Variants in PPFIA1 observed in about 807,000 individuals in gnomAD.
The protein encoded by PPFIA1 is PPFI scaffold protein A1.
In PPFIA1, 25 loss-of-function variants were observed where a neutral mutation model predicts 149.9. The ratio of observed to expected loss-of-function variants is 0.17; its 90% confidence interval spans 0.12 to 0.23. The LOEUF (loss-of-function observed/expected upper bound fraction) is 0.23. Ranked by LOEUF, PPFIA1 falls within the 10% of genes least tolerant of loss-of-function variation. The pLI is 1.00. For synonymous variants in PPFIA1, 549 were observed against 552.8 expected (o/e 0.99, Z 0.10); for missense variants, 1,362 against 1,506.5 (o/e 0.90, Z 1.59).
At chr11:70,326,399 T>G in intron 6 of PPFIA1, 36 bp downstream of exon 6, 1 of 1,514,744 alleles carries the variant, frequency 6.6e-7, no homozygotes, top group Non-Finnish European at 9.1e-7. Context: ...TCTGTTTGAT[T>G]TCATTTGTTC....
chr11:70,335,234 C>T (rs768429041), intron 10 of PPFIA1, among the ~76,000 whole-genome samples: 10 of 152,144 alleles, frequency 6.6e-5, no homozygotes, highest in Non-Finnish European at 1.3e-4. Flanking sequence ...CCTCTACCAG[C>T]GTGGAGACAG....
At chr11:70,358,885 C>T (rs1284213270) in intron 19 of PPFIA1, among the ~76,000 whole-genome samples, 1 of 152,204 alleles carries the variant, frequency 6.6e-6, no homozygotes, top group Non-Finnish European at 1.5e-5. Flanking sequence ...AGTGCCTCCA[C>T]AGCACTTTTA....
At chr11:70,350,888 T>A in intron 16 of PPFIA1, 1 of 503,860 alleles carries the variant, frequency 2.0e-6, no homozygotes, top group Non-Finnish European at 2.7e-6. Context: ...CTGTCTCCTG[T>A]CATTTCTATT....
chr11:70,383,063 TTGGAATCCAG>T lies in PPFIA1; in HGVS notation c.*81_*90del. On this transcript the variant is annotated 3_prime_UTR_variant, in exon 28 of 28. Transcript: ENST00000253925. Reference sequence around the variant, plus strand: ...ATTTGAATCCAACAAAGACTACATTTTGGAATCCAGTGGAATCTTTAATCTTGTTAATACT... The same window carrying T: ...ATTTGAATCCAACAAAGACTACATTTTGGAATCTTTAATCTTGTTAATACT... 2.4e-6 allele frequency: 1 copy of T among 414,294 alleles called. No individual in the cohort carries two copies. Among genetic ancestry groups the T allele is most frequent in the Non-Finnish European group, 4.7e-6 (1 of 214,242 alleles). 25.7% of individuals were successfully genotyped at this position (414,294 alleles called of 1,614,324 possible).
At chr11:70,328,232 C>T (rs2054440979) in intron 7 of PPFIA1, among the ~76,000 whole-genome samples, 1 of 152,152 alleles carries the variant, frequency 6.6e-6, no homozygotes, top group African/African-American at 2.4e-5. Flanking sequence ...TCCTATCCTC[C>T]ACCCTCCACC....
At chr11:70,304,693 C>T (rs995794537) in intron 2 of PPFIA1, among the ~76,000 whole-genome samples, 23 of 152,148 alleles carry the variant, frequency 1.5e-4, no homozygotes, top group Admixed American at 7.2e-4. Flanking sequence ...GGGATTGATA[C>T]ACTCTCCAGC....
intron 21 of PPFIA1, chr11:70,364,751 C>T (rs2056831458): frequency 6.6e-6 from 1 of 152,182 alleles, no homozygotes; most frequent in South Asian, 2.1e-4. Flanking sequence ...TGAGTGGTTT[C>T]TCCCATGTTT....
At chr11:70,362,527 G>T in intron 21 of PPFIA1, 39 bp downstream of exon 21, 1 of 1,535,008 alleles carries the variant, frequency 6.5e-7, no homozygotes, top group Admixed American at 2.0e-5. Flanking sequence ...TTGGAAACAG[G>T]GAATGCCTCT....
intron 16 of PPFIA1, chr11:70,350,121 G>T (rs1248143693): frequency 3.0e-6 from 1 of 328,614 alleles, no homozygotes; most frequent in Non-Finnish European, 5.9e-6. Context: ...TTTTTTCTCA[G>T]TTAAAAGTAT....
chr11:70,362,454 T>A lies in PPFIA1; in HGVS notation c.2831T>A (p.Leu944Gln), dbSNP rs768296527. ...LRLAIQEIMSLTSPSAPPTSR... is the reference protein window; with the variant it reads ...LRLAIQEIMSQTSPSAPPTSR... ...CTGGCCATCCAGGAGATCATGTCGC[T>A]GACCAGCCCGTCTGCCCCGCCCACA... Residue 944 changes from leucine (L) to glutamine (Q), a missense_variant, in exon 21 of 28, where the codon CTG (leucine) becomes CAG (glutamine). Physicochemically the swap from Leu to Gln is moderately radical, Grantham distance 113 (BLOSUM62 -2). Around this residue, in one of 7 missense-constraint regions of PPFIA1, gnomAD observed 349 missense variants for 373.3 expected, o/e 0.93. Transcript: ENST00000253925. The A allele has an allele frequency of 1.2e-6, 2 of 1,614,094 alleles. No homozygotes were observed. Among genetic ancestry groups the A allele is most frequent in the Admixed American group, 1.7e-5 (1 of 60,018 alleles).
intron 5 of PPFIA1, among the ~76,000 whole-genome samples, 175 bp downstream of exon 5, chr11:70,325,749 A>G (rs1182922236): frequency 6.6e-6 from 1 of 152,088 alleles, no homozygotes; most frequent in African/African-American, 2.4e-5. Context: ...CCTGACCAAC[A>G]TGGTGAAACC....
At chr11:70,355,842 C>T in intron 18 of PPFIA1, 31 bp downstream of exon 18, 1 of 1,584,740 alleles carries the variant, frequency 6.3e-7, no homozygotes, top group Non-Finnish European at 8.6e-7. Flanking sequence ...CTTCTCAGCA[C>T]CCAGGGGTCG....
intron 12 of PPFIA1, 142 bp from the exon 13 acceptor site, chr11:70,338,232 T>C (rs1486109888): frequency 1.5e-6 from 1 of 649,830 alleles, no homozygotes. Flanking sequence ...TGGAGAAAAT[T>C]TTCCCAGAAT....
At chr11:70,325,035 G>C (rs971940972) in intron 4 of PPFIA1, 24 bp downstream of exon 4, 1 of 1,589,100 alleles carries the variant, frequency 6.3e-7, no homozygotes, top group South Asian at 1.1e-5. Context: ...CATAAGTCTT[G>C]GTTTGTGCAC....
At chr11:70,349,279 G>A (rs974017728) in intron 16 of PPFIA1, among the ~76,000 whole-genome samples, 1 of 152,072 alleles carries the variant, frequency 6.6e-6, no homozygotes, top group Non-Finnish European at 1.5e-5. Context: ...ACCTGGAAAT[G>A]CAATGACCTT....
chr11:70,278,987 T>G, intron 2 of PPFIA1: 1 of 584,430 alleles, frequency 1.7e-6, no homozygotes, highest in South Asian at 1.6e-5. Context: ...TACCAGCAAT[T>G]GTAGACTTGA....
At chr11:70,378,601 G>T (rs146460673) in intron 26 of PPFIA1, 146 of 357,216 alleles carry the variant, frequency 4.1e-4, no homozygotes, top group African/African-American at 3.0e-3. Flanking sequence ...AAATAACTGA[G>T]TACATTTTTA....
In PPFIA1 at chr11:70,332,020, C is replaced by G. The variant is rs1287735846; in HGVS notation, c.1138C>G (p.Gln380Glu). 1 of 1,613,052 alleles carries G rather than the reference C, an allele frequency of 6.2e-7. No individual in the cohort carries two copies. The highest frequency in any genetic ancestry group is 2.2e-5 in the East Asian group (1 of 44,766). Residue 380 changes from glutamine (Q) to glutamate (E), a missense_variant, in exon 9 of 28, where the codon CAG (glutamine) becomes GAG (glutamate). Around this residue, in one of 7 missense-constraint regions of PPFIA1, gnomAD observed 733 missense variants for 744.1 expected, o/e 0.99. Transcript: ENST00000253925. ...GGAATTGGCAGAGCAAAAGCTGCAA[C>G]AGACACTGAGGAAGGCAGAGACGCT... Reference protein sequence around the residue: ...RLELAEQKLQQTLRKAETLPE... With the variant: ...RLELAEQKLQETLRKAETLPE...
At chr11:70,371,049 C>G (rs1362955566) in intron 21 of PPFIA1, among the ~76,000 whole-genome samples, 1 of 152,166 alleles carries the variant, frequency 6.6e-6, no homozygotes, top group South Asian at 2.1e-4. Flanking sequence ...CGGAGAATGA[C>G]TTGAACCCTG....
Sources: gnomAD v4.1 joint callset for allele counts (sites outside exome capture counted in the v4.1 genomes callset) on GRCh38, gnomAD v4.1.1 for gene constraint, gnomAD v4.1.1 regional missense constraint, MANE v1.5 for transcripts, NCBI Gene and HGNC (gene_info 2026-07-23, HGNC 2026-07-21) for gene names.